The following PCDH15 variants were observed in gnomAD, a reference collection of about 807,000 sequenced individuals.
PCDH15 encodes protocadherin-15.
A neutral mutation model predicts 178.5 loss-of-function variants in PCDH15; 129 were observed. The ratio of observed to expected loss-of-function variants is 0.72; its 90% CI spans 0.63 to 0.84. PCDH15 has a LOEUF of 0.84. Among genes scored for constraint, PCDH15 ranks in the 40% least tolerant of loss-of-function variants. PCDH15 has a pLI of 0.00. For synonymous variants in PCDH15, 800 were observed against 732.0 expected (o/e 1.09, Z -1.50); for missense variants, 2,230 against 2,099.9 (o/e 1.06, Z -1.21).
chr10:54,764,160 G>A (rs1948234614), intron 1 of PCDH15, among the ~76,000 whole-genome samples: 1 of 151,924 alleles, frequency 6.6e-6, no homozygotes, highest in African/African-American at 2.4e-5. Context: ...TATGTCTCTT[G>A]TCTAGCTTTA....
rs753580724 is a variant in PCDH15 at position 54,378,956 on chromosome 10, A to G, written c.158-14T>C. On this transcript the variant is annotated splice_polypyrimidine_tract_variant and intron_variant, in intron 3 of 37. Coordinates refer to ENST00000644397, the MANE Select transcript of PCDH15 (RefSeq NM_001384140.1). ...CCAGAATTGTACCTGCAAACCAAAGAAAGGTACTTGAAAACATATTCTACT... is the reference window on the plus strand; with the variant it reads ...CCAGAATTGTACCTGCAAACCAAAGGAAGGTACTTGAAAACATATTCTACT... 6.2e-7 allele frequency: 1 copy of G among 1,613,366 alleles called. No individual in the cohort carries two copies. The highest frequency in any genetic ancestry group is 8.5e-7 in the Non-Finnish European group (1 of 1,179,544).
chr10:55,558,487 A>G (rs1842132960), intron 2 of PCDH15, among the ~76,000 whole-genome samples: 1 of 152,108 alleles, frequency 6.6e-6, no homozygotes, highest in African/African-American at 2.4e-5. Context: ...CAAAGAACTC[A>G]TTTTACATCT....
chr10:53,804,656 G>C lies in PCDH15; in HGVS notation c.*1923C>G, dbSNP rs1841044321. 6.6e-6 allele frequency: 1 copy of C among 151,944 alleles called. No homozygotes were observed. Among genetic ancestry groups the C allele is most frequent in the Admixed American group, 6.6e-5 (1 of 15,208 alleles). The allele number at this position is 151,944 out of a possible 1,614,324, so 9.4% of individuals were successfully genotyped here. On this transcript the variant is annotated 3_prime_UTR_variant, in exon 38 of 38. Transcript: ENST00000644397. ...GGATGCTGACTGAGATGATCTGGGG[G>C]TATCAAGATAATATTAAATTATATT...
chr10:54,600,842 C>A (rs557839896), intron 2 of PCDH15, among the ~76,000 whole-genome samples: 4 of 151,930 alleles, frequency 2.6e-5, no homozygotes, highest in South Asian at 2.1e-4. Context: ...TGTGCTCCCC[C>A]CTCAGTCTTT....
chr10:55,388,147 C>T (rs1362016922), intron 2 of PCDH15, among the ~76,000 whole-genome samples: 2 of 152,024 alleles, frequency 1.3e-5, no homozygotes, highest in African/African-American at 4.8e-5. Context: ...GTAGCTTGGG[C>T]AGGAACGTTT....
At chr10:53,990,718 G>A (rs1007701030) in intron 21 of PCDH15, among the ~76,000 whole-genome samples, 9 of 152,120 alleles carry the variant, frequency 5.9e-5, no homozygotes, top group African/African-American at 2.2e-4. Context: ...CACACTTGAG[G>A]AGCCCCTTCA....
intron 15 of PCDH15, among the ~76,000 whole-genome samples, chr10:54,125,368 AT>A (rs374865256): frequency 4.3e-4 from 66 of 152,294 alleles, no homozygotes; most frequent in African/African-American, 1.5e-3. Context: ...CAGTAGCAAA[AT>A]TTGTATGTTC....
At position 54,214,530 on chromosome 10, in the gene PCDH15, G is replaced by A. The variant is rs181886721; in HGVS notation, c.986-482C>T. On this transcript the variant is annotated intron_variant, in intron 9 of 37. Transcript: ENST00000644397. The stretch of plus-strand genomic sequence containing the variant: ...TTAAGATTAATATCAAGCTAATAAT[G>A]TTAATCATAGTAAATTAAATATAGG... Among the ~76,000 whole-genome samples, 6 of 152,272 alleles carry A rather than the reference G, an allele frequency of 3.9e-5. No homozygotes were observed. In the East Asian group the frequency reaches 9.6e-4, roughly 24 times the overall value.
At chr10:54,101,473 G>T (rs2136158305) in intron 15 of PCDH15, among the ~76,000 whole-genome samples, 1 of 152,178 alleles carries the variant, frequency 6.6e-6, no homozygotes, top group Admixed American at 6.5e-5. Context: ...CTAATACTTA[G>T]CATGTATTAT....
rs532004262 is a variant in PCDH15 at position 54,300,015 on chromosome 10, A to C, written c.876+17256T>G. 2.8e-3 allele frequency among the ~76,000 whole-genome samples: 434 copies of C among 152,294 alleles called. 2 individuals carry two copies. The highest frequency in any genetic ancestry group is 5.0e-3 in the Non-Finnish European group (339 of 68,022). On this transcript the variant is annotated intron_variant, in intron 8 of 37. Coordinates refer to ENST00000644397, the MANE Select transcript of PCDH15 (RefSeq NM_001384140.1). ...CACACACTCTTAAAGGAATTCTCAG[A>C]CAGTTTGCAAGAAATAACGAAATCT...
At chr10:53,815,088 C>T (rs1223296873) in intron 35 of PCDH15, among the ~76,000 whole-genome samples, 1 of 151,988 alleles carries the variant, frequency 6.6e-6, no homozygotes, top group East Asian at 1.9e-4. Flanking sequence ...CTGTAACAAC[C>T]CCTTAGTTGA....
intron 8 of PCDH15, among the ~76,000 whole-genome samples, chr10:54,249,055 A>G (rs1046922867): frequency 6.6e-6 from 1 of 152,056 alleles, no homozygotes; most frequent in Non-Finnish European, 1.5e-5. Flanking sequence ...TATAGTTCAG[A>G]GAAGCAAAAA....
intron 3 of PCDH15, among the ~76,000 whole-genome samples, chr10:54,508,779 A>T (rs559114937): frequency 3.9e-4 from 60 of 152,176 alleles, no homozygotes; most frequent in African/African-American, 1.4e-3. Flanking sequence ...CCTTCTTCTG[A>T]TGAGGTTCAA....
intron 2 of PCDH15, among the ~76,000 whole-genome samples, chr10:55,325,144 G>C (rs539008402): frequency 1.3e-5 from 2 of 152,138 alleles, no homozygotes; most frequent in African/African-American, 4.8e-5. Context: ...TGGTCATACT[G>C]CCCAAAGCAA....
rs2091168135 is a variant in PCDH15 at position 54,582,970 on chromosome 10, A to T, written c.92-55093T>A. On this transcript the variant is annotated intron_variant, in intron 2 of 37. Coordinates refer to ENST00000644397, the MANE Select transcript of PCDH15 (RefSeq NM_001384140.1). ...TTTATTTAGCATATTAATAAAAACAATAAAGATACACATATTTCAGTTACT... is the reference window on the plus strand; with the variant it reads ...TTTATTTAGCATATTAATAAAAACATTAAAGATACACATATTTCAGTTACT... Among the ~76,000 whole-genome samples, 3 of 152,162 alleles carry T rather than the reference A, an allele frequency of 2.0e-5. 1 individual carries two copies. In the South Asian group the frequency reaches 6.2e-4, roughly 31 times the overall value.
At chr10:54,120,266 T>C (rs2095192722) in intron 15 of PCDH15, among the ~76,000 whole-genome samples, 1 of 152,084 alleles carries the variant, frequency 6.6e-6, no homozygotes, top group South Asian at 2.1e-4. Flanking sequence ...CCTAAAGTAG[T>C]TCTAAACATG....
At chr10:55,023,110 T>G (rs965462283) in intron 2 of PCDH15, among the ~76,000 whole-genome samples, 11 of 152,062 alleles carry the variant, frequency 7.2e-5, no homozygotes, top group African/African-American at 2.7e-4. Context: ...CCCGGTGAAG[T>G]TTTTGCATTT....
chr10:54,454,353 TAAATC>T (rs1202949477), intron 3 of PCDH15, among the ~76,000 whole-genome samples: 13 of 149,526 alleles, frequency 8.7e-5, no homozygotes, highest in African/African-American at 3.2e-4. Context: ...TGTGGGCAAT[TAAATC>T]AAAGCCTTTT....
intron 3 of PCDH15, among the ~76,000 whole-genome samples, chr10:54,512,101 A>T (rs1237579998): frequency 1.3e-5 from 2 of 152,162 alleles, no homozygotes; most frequent in African/African-American, 4.8e-5. Context: ...TTAAGAGAAA[A>T]TTCAAAACAC....
Sources: allele counts gnomAD v4.1 joint callset (sites outside exome capture counted in the v4.1 genomes callset), GRCh38; gene constraint gnomAD v4.1.1; transcripts MANE v1.5; gene names NCBI Gene and HGNC (gene_info 2026-07-23, HGNC 2026-07-21).